Variants in LRRTM4 observed in about 807,000 individuals in gnomAD.
LRRTM4 encodes the protein leucine rich repeat transmembrane neuronal 4.
LRRTM4 carries 25 observed loss-of-function variants against 47.6 expected under a neutral mutation model. That is an observed-to-expected ratio of 0.53 (90% CI 0.38 to 0.73). LRRTM4 has a LOEUF of 0.73. Among genes scored for constraint, LRRTM4 ranks in the 30% least tolerant of loss-of-function variants. The probability of loss-of-function intolerance (pLI) is 0.00; values close to 1 mark genes in which losing one functional copy is unlikely to be tolerated. For synonymous variants in LRRTM4, 311 were observed against 269.5 expected (o/e 1.15, Z -1.51); for missense variants, 638 against 713.4 (o/e 0.89, Z 1.20).
intron 3 of LRRTM4, among the ~76,000 whole-genome samples, chr2:77,161,186 G>C (rs1045103845): frequency 1.3e-5 from 2 of 152,124 alleles, no homozygotes; most frequent in Non-Finnish European, 2.9e-5. Flanking sequence ...GTAACCAGCA[G>C]TCACAAATGC....
intron 3 of LRRTM4, among the ~76,000 whole-genome samples, chr2:76,880,119 A>C (rs1672886950): frequency 2.6e-5 from 4 of 152,208 alleles, no homozygotes; most frequent in Admixed American, 2.6e-4. Flanking sequence ...TATCACATGA[A>C]TTTTGTTGAT....
chr2:77,421,421 G>T (rs141532680), intron 3 of LRRTM4, among the ~76,000 whole-genome samples: 1 of 152,108 alleles, frequency 6.6e-6, no homozygotes, highest in African/African-American at 2.4e-5. Flanking sequence ...GGAAGGAAGA[G>T]TCCAGGCCGG....
intron 3 of LRRTM4, among the ~76,000 whole-genome samples, chr2:77,303,834 C>A (rs555849023): frequency 6.6e-6 from 1 of 152,016 alleles, no homozygotes; most frequent in East Asian, 1.9e-4. Flanking sequence ...ATATATATCA[C>A]GTTATCTTTA....
chr2:77,350,229 G>A (rs1671710764), intron 3 of LRRTM4, among the ~76,000 whole-genome samples: 2 of 149,534 alleles, frequency 1.3e-5, no homozygotes, highest in African/African-American at 2.4e-5. Flanking sequence ...GGGAGGCTGA[G>A]GCAGGAGAAT....
chr2:76,986,767 G>A (rs925324702), intron 3 of LRRTM4, among the ~76,000 whole-genome samples: 1 of 151,988 alleles, frequency 6.6e-6, no homozygotes, highest in East Asian at 1.9e-4. Flanking sequence ...ATTCAGCCAT[G>A]CCTAAAGCAA....
chr2:77,069,906 C>T (rs1380529795), intron 3 of LRRTM4, among the ~76,000 whole-genome samples: 1 of 152,182 alleles, frequency 6.6e-6, no homozygotes, highest in African/African-American at 2.4e-5. Flanking sequence ...CAGGCAGCTG[C>T]AAAGTTGAAA....
At chr2:76,908,038 C>CAT (rs1553429087) in intron 3 of LRRTM4, among the ~76,000 whole-genome samples, 19 of 151,316 alleles carry the variant, frequency 1.3e-4, no homozygotes, top group Admixed American at 2.0e-4. Context: ...GAGACACAGC[C>CAT]AAAAAACAGA....
chr2:76,839,776 T>G (rs942515321), intron 3 of LRRTM4, among the ~76,000 whole-genome samples: 38 of 152,306 alleles, frequency 2.5e-4, no homozygotes, highest in African/African-American at 8.9e-4. Flanking sequence ...TTAAAGAATT[T>G]AGGTAACATC....
At chr2:77,271,599 AC>A (rs557940316) in intron 3 of LRRTM4, among the ~76,000 whole-genome samples, 190 of 118,606 alleles carry the variant, frequency 1.6e-3, no homozygotes, top group African/African-American at 5.8e-3. Context: ...ATTAGTTCAT[AC>A]CTCTTTAGCC....
chr2:77,140,923 T>C (rs1290336540), intron 3 of LRRTM4, among the ~76,000 whole-genome samples: 3 of 152,170 alleles, frequency 2.0e-5, no homozygotes, highest in African/African-American at 7.2e-5. Flanking sequence ...CACAGTGAGA[T>C]ACCATCTCAC....
At chr2:77,171,287 T>G (rs951363749) in intron 3 of LRRTM4, among the ~76,000 whole-genome samples, 2 of 152,080 alleles carry the variant, frequency 1.3e-5, no homozygotes, top group African/African-American at 4.8e-5. Flanking sequence ...CTTGCTTGTT[T>G]GTTTTTTGAG....
intron 3 of LRRTM4, among the ~76,000 whole-genome samples, chr2:76,809,000 C>G (rs927707073): frequency 6.6e-6 from 1 of 152,144 alleles, no homozygotes; most frequent in Non-Finnish European, 1.5e-5. Flanking sequence ...GATTTTCAAA[C>G]AGCTGGGTTT....
At chr2:77,009,778 A>C (rs1677799577) in intron 3 of LRRTM4, 1 of 152,046 alleles carries the variant, frequency 6.6e-6, no homozygotes, top group South Asian at 2.1e-4. Flanking sequence ...CTACCAATAA[A>C]TTCATGCCTC....
intron 3 of LRRTM4, among the ~76,000 whole-genome samples, chr2:77,212,462 T>C (rs1674319524): frequency 7.1e-6 from 1 of 140,330 alleles, no homozygotes; most frequent in Non-Finnish European, 1.5e-5. Context: ...AATAATTATA[T>C]ATATATATAT....
rs959811013 is a variant in LRRTM4, at chr2:76,896,991, A to C, written c.1552-148075T>G. Among the ~76,000 whole-genome samples the C allele has an allele frequency of 9.9e-5, 15 of 151,864 alleles. 1 individual carries two copies. Among genetic ancestry groups the C allele is most frequent in the Admixed American group, 3.3e-4 (5 of 15,188 alleles). On this transcript the variant is annotated intron_variant, in intron 3 of 3. Coordinates refer to ENST00000409884, the MANE Select transcript of LRRTM4 (RefSeq NM_001134745.3). The stretch of plus-strand genomic sequence containing the variant: ...GAATCTCTACCTTGAATTGTTCTAA[A>C]TTTGGGAATGAGAATATTCTGATGA...
intron 3 of LRRTM4, among the ~76,000 whole-genome samples, chr2:77,435,429 A>G (rs1385147167): frequency 6.6e-6 from 1 of 152,220 alleles, no homozygotes; most frequent in Non-Finnish European, 1.5e-5. Flanking sequence ...TTAGCTAAAC[A>G]TTCTTAGGTC....
At chr2:77,258,266 TG>T (rs1675824505) in intron 3 of LRRTM4, among the ~76,000 whole-genome samples, 1 of 152,084 alleles carries the variant, frequency 6.6e-6, no homozygotes, top group South Asian at 2.1e-4. Context: ...GCAAAGTCAC[TG>T]TAGAAAATAG....
chr2:76,941,189 G>A (rs2103861079), intron 3 of LRRTM4, among the ~76,000 whole-genome samples: 1 of 152,158 alleles, frequency 6.6e-6, no homozygotes, highest in Non-Finnish European at 1.5e-5. Flanking sequence ...AAAAGGAAAG[G>A]CGATAAAGCC....
At chr2:76,894,569 A>T (rs970891207) in intron 3 of LRRTM4, among the ~76,000 whole-genome samples, 1 of 152,044 alleles carries the variant, frequency 6.6e-6, no homozygotes, top group African/African-American at 2.4e-5. Flanking sequence ...TCACATGGCA[A>T]TACTTTGAAA....
Sources: allele counts gnomAD v4.1 joint callset (sites outside exome capture counted in the v4.1 genomes callset), GRCh38; gene constraint gnomAD v4.1.1; transcripts MANE v1.5; gene names NCBI Gene and HGNC (gene_info 2026-07-23, HGNC 2026-07-21).